The following RRP9 variants were observed in gnomAD, a reference collection of about 807,000 sequenced individuals.
The protein encoded by RRP9 is U3 small nucleolar RNA-interacting protein 2.
In RRP9, 35 loss-of-function variants were observed where a neutral mutation model predicts 65.5. The ratio of observed to expected loss-of-function variants is 0.53; its 90% CI spans 0.41 to 0.71. The LOEUF (loss-of-function observed/expected upper bound fraction) is 0.71. Among genes scored for constraint, RRP9 ranks in the 30% least tolerant of loss-of-function variants. The probability of loss-of-function intolerance (pLI) is 0.00; values close to 1 mark genes in which losing one functional copy is unlikely to be tolerated. For synonymous variants in RRP9, 254 were observed against 245.0 expected, an observed-to-expected ratio of 1.04 and a Z score of -0.34; for missense variants, 533 against 633.6, an observed-to-expected ratio of 0.84 and a Z score of 1.70.
rs1400346964 is a variant in RRP9 at position 51,937,664 on chromosome 3, C to T, written c.348+5G>A. Reference sequence around the variant, plus strand: ...GTCCTCCCCCAACTCTCCCTCCACACTTACCACATCCTCCTTCAGGCGCCC... The same window carrying T: ...GTCCTCCCCCAACTCTCCCTCCACATTTACCACATCCTCCTTCAGGCGCCC... On this transcript the variant is annotated splice_donor_5th_base_variant and intron_variant, in intron 4 of 14. Transcript: ENST00000232888. The surrounding 1 kb of genome is among the most constrained non-coding windows in gnomAD (Gnocchi z 5.0). 6 of 1,614,230 alleles carry T rather than the reference C, an allele frequency of 3.7e-6. No individual in the cohort carries two copies. Among genetic ancestry groups the T allele is most frequent in the Non-Finnish European group, 5.1e-6 (6 of 1,180,036 alleles).
chr3:51,936,605 G>T, intron 6 of RRP9, 50 bp from the exon 7 acceptor site: 1 of 1,583,076 alleles, frequency 6.3e-7, no homozygotes, highest in Non-Finnish European at 8.6e-7. Flanking sequence ...GATAGGGCTG[G>T]CTGGCAACCC....
In RRP9 at chr3:51,936,511, T is replaced by C; in HGVS notation, c.562A>G (p.Lys188Glu). 1 of 1,614,162 alleles carries C rather than the reference T, an allele frequency of 6.2e-7. No homozygotes were observed. The highest frequency in any genetic ancestry group is 8.5e-7 in the Non-Finnish European group (1 of 1,180,042). ...GRKLHVIPRA[K>E]KGAEGKPPGH... ...GGGGGCTTTCCCTCGGCACCCTTCT[T>C]GGCTCGAGGAATCACATGCAGCTTC... Residue 188 changes from lysine to glutamate, a missense_variant, in exon 7 of 15, where the codon AAG becomes GAG. Transcript: ENST00000232888.
Position 51,937,639 on chromosome 3 carries a change from G to A in RRP9, c.348+30C>T, listed in dbSNP as rs150261920. ...CTGGGAGCAGATCAGCTCCACCCCC[G>A]TCCTCCCCCAACTCTCCCTCCACAC... On this transcript the variant is annotated intron_variant, in intron 4 of 14. Coordinates refer to ENST00000232888, the MANE Select transcript of RRP9 (RefSeq NM_004704.5). The surrounding 1 kb of genome is among the most constrained non-coding windows in gnomAD (Gnocchi z 5.0). The A allele has an allele frequency of 3.5e-5, 57 of 1,613,998 alleles. No homozygotes were observed. The East Asian group carries it at 3.6e-4, about 10-fold the overall frequency.
chr3:51,935,881 C>T (rs78405934), intron 8 of RRP9, among the ~76,000 whole-genome samples, 189 bp from the exon 9 acceptor site: 1,692 of 152,196 alleles, frequency 0.011, 44 homozygotes, highest in African/African-American at 0.039. Context: ...TTTTTTTTAG[C>T]GACAGGGTCT....
In RRP9 at chr3:51,937,577, T is replaced by A; in HGVS notation, c.358A>T (p.Arg120Trp). The A allele has an allele frequency of 3.1e-6, 5 of 1,614,156 alleles. No homozygotes were observed. Among genetic ancestry groups the A allele is most frequent in the Non-Finnish European group, 4.2e-6 (5 of 1,180,022 alleles). The part of the protein sequence containing the change: ...GRLKEDVLEQ[R>W]GRLQKLVAKE... ...GCCACCAACTTCTGCAGCCTGCCCC[T>A]CTGCTCAAGCTGCATGGAGAAGAGA... Residue 120 changes from arginine (R) to tryptophan (W), a missense_variant, in exon 5 of 15, where the codon AGG becomes TGG. Coordinates refer to ENST00000232888, the MANE Select transcript of RRP9 (RefSeq NM_004704.5). The surrounding 1 kb of genome is among the most constrained non-coding windows in gnomAD (Gnocchi z 5.0).
intron 2 of RRP9, among the ~76,000 whole-genome samples, chr3:51,941,042 T>G (rs1699517281): frequency 1.3e-5 from 2 of 152,200 alleles, no homozygotes; most frequent in Admixed American, 6.5e-5. Context: ...GCAAAGGCAG[T>G]GCCTGGCATG....
In RRP9 at chr3:51,937,154, G is replaced by A. The variant is rs751997584; in HGVS notation, c.517+38C>T. On this transcript the variant is annotated intron_variant, in intron 6 of 14. Coordinates refer to ENST00000232888, the MANE Select transcript of RRP9 (RefSeq NM_004704.5). The surrounding 1 kb of genome is among the most constrained non-coding windows in gnomAD (Gnocchi z 5.0). ...TCCCCTGACCAGCCCTCCCGGATCCGCCATGGGGGCTCCAGCCCCACCCAG... is the reference window on the plus strand; with the variant it reads ...TCCCCTGACCAGCCCTCCCGGATCCACCATGGGGGCTCCAGCCCCACCCAG... 8.8e-5 allele frequency: 142 copies of A among 1,608,788 alleles called. No individual in the cohort carries two copies. The highest frequency in any genetic ancestry group is 2.0e-4 in the Middle Eastern group (1 of 4,992).
chr3:51,935,184 A>C lies in RRP9; in HGVS notation c.1034+13T>G. Reference sequence around the variant, plus strand: ...CAGAAGCCGTGGCCAGAGACATCCAAAGGACCTCTTACCCATCGTCCGCGC... The same window carrying C: ...CAGAAGCCGTGGCCAGAGACATCCACAGGACCTCTTACCCATCGTCCGCGC... On this transcript the variant is annotated intron_variant, in intron 11 of 14. Coordinates refer to ENST00000232888, the MANE Select transcript of RRP9 (RefSeq NM_004704.5). The C allele has an allele frequency of 6.2e-7, 1 of 1,614,006 alleles. No homozygotes were observed. Among genetic ancestry groups the C allele is most frequent in the Non-Finnish European group, 8.5e-7 (1 of 1,179,970 alleles).
At chr3:51,938,502 C>T (rs1577651838) in intron 2 of RRP9, among the ~76,000 whole-genome samples, 1 of 152,206 alleles carries the variant, frequency 6.6e-6, no homozygotes, top group Admixed American at 6.5e-5. Flanking sequence ...GAAATCAGGT[C>T]ACATACAAAG....
Position 51,937,785 on chromosome 3 carries a change from T to C in RRP9, c.281-49A>G, listed in dbSNP as rs367969040. The C allele has an allele frequency of 8.1e-6, 13 of 1,601,730 alleles. No individual in the cohort carries two copies. The highest frequency in any genetic ancestry group is 2.7e-5 in the African/African-American group (2 of 74,808). On this transcript the variant is annotated intron_variant, in intron 3 of 14. Transcript: ENST00000232888. The surrounding 1 kb of genome is among the most constrained non-coding windows in gnomAD (Gnocchi z 5.0). ...GTAAACTGAGGCTGAGACCCCTCTT[T>C]CCCTTCCATCCTGTCCCCATCCCAC...
At position 51,934,919 on chromosome 3, in the gene RRP9, C is replaced by T. The variant is rs893330697; in HGVS notation, c.1035-143G>A. The T allele has an allele frequency of 1.0e-6, 1 of 952,778 alleles. No individual in the cohort carries two copies. The highest frequency in any genetic ancestry group is 1.5e-6 in the Non-Finnish European group (1 of 651,356). The allele number at this position is 952,778 out of a possible 1,614,324, so 59.0% of individuals were successfully genotyped here. On this transcript the variant is annotated intron_variant, in intron 11 of 14. Coordinates refer to ENST00000232888, the MANE Select transcript of RRP9 (RefSeq NM_004704.5). The surrounding 1 kb of genome is among the most constrained non-coding windows in gnomAD (Gnocchi z 4.1). ...TACATATTGCATGCCTGTATCAAAACATCTCAAGTACCCCACAAATACGTA... is the reference window on the plus strand; with the variant it reads ...TACATATTGCATGCCTGTATCAAAATATCTCAAGTACCCCACAAATACGTA...
Position 51,937,747 on chromosome 3 carries a change from C to T in RRP9, c.281-11G>A, listed in dbSNP as rs1221030279. The T allele has an allele frequency of 2.5e-6, 4 of 1,613,708 alleles. No individual in the cohort carries two copies. The highest frequency in any genetic ancestry group is 3.4e-6 in the Non-Finnish European group (4 of 1,180,004). On this transcript the variant is annotated splice_polypyrimidine_tract_variant and intron_variant, in intron 3 of 14. Coordinates refer to ENST00000232888, the MANE Select transcript of RRP9 (RefSeq NM_004704.5). This position sits in a 1 kb window ranked among gnomAD's most constrained non-coding sequence, Gnocchi z 5.0. ...CAGCCTTCTCCTCCTCTGTGCAGGACAGACCAGACCAAGTAAACTGAGGCT... is the reference window on the plus strand; with the variant it reads ...CAGCCTTCTCCTCCTCTGTGCAGGATAGACCAGACCAAGTAAACTGAGGCT...
intron 1 of RRP9, 42 bp downstream of exon 1, chr3:51,941,739 A>T: frequency 6.7e-7 from 1 of 1,498,770 alleles, no homozygotes; most frequent in South Asian, 1.2e-5. Context: ...CGGTTGTCCC[A>T]GTAGCAGGGC....
In RRP9 at chr3:51,937,389, A is replaced by G; in HGVS notation, c.391-71T>C. ...ACTACCTTCACCAACCCCACTGCGT[A>G]GTGTTGGCCTTTCCCACCCAGGCCA... On this transcript the variant is annotated intron_variant, in intron 5 of 14. Coordinates refer to ENST00000232888, the MANE Select transcript of RRP9 (RefSeq NM_004704.5). This position sits in a 1 kb window ranked among gnomAD's most constrained non-coding sequence, Gnocchi z 5.0. The G allele has an allele frequency of 6.2e-7, 1 of 1,606,456 alleles. No homozygotes were observed. The highest frequency in any genetic ancestry group is 8.5e-7 in the Non-Finnish European group (1 of 1,174,284).
chr3:51,937,031 G>A lies in RRP9; in HGVS notation c.517+161C>T, dbSNP rs1356910153. 6.6e-6 allele frequency among the ~76,000 whole-genome samples: 1 copy of A among 152,210 alleles called. No homozygotes were observed. Among genetic ancestry groups the A allele is most frequent in the Non-Finnish European group, 1.5e-5 (1 of 68,036 alleles). ...AGCTCATAAGCCCCACTGCCGGGCA[G>A]CAGCTTTCACTGTCACCCAGAGAGC... On this transcript the variant is annotated intron_variant, in intron 6 of 14. Transcript: ENST00000232888. This position sits in a 1 kb window ranked among gnomAD's most constrained non-coding sequence, Gnocchi z 5.0.
chr3:51,938,383 T>A (rs1469494108), intron 2 of RRP9, among the ~76,000 whole-genome samples, 179 bp from the exon 3 acceptor site: 2 of 152,030 alleles, frequency 1.3e-5, no homozygotes, highest in Non-Finnish European at 2.9e-5. Context: ...AAGGCCCCAC[T>A]CAGTGCCCCA....
intron 2 of RRP9, among the ~76,000 whole-genome samples, chr3:51,939,040 G>A (rs1405542392): frequency 1.3e-5 from 2 of 152,190 alleles, no homozygotes; most frequent in East Asian, 3.8e-4. Context: ...GCTTTGACCT[G>A]CTCCTGGGAG....
In RRP9 at chr3:51,937,386, C is replaced by A; in HGVS notation, c.391-68G>T. The A allele has an allele frequency of 6.2e-7, 1 of 1,607,804 alleles. No individual in the cohort carries two copies. Among genetic ancestry groups the A allele is most frequent in the Non-Finnish European group, 8.5e-7 (1 of 1,175,562 alleles). On this transcript the variant is annotated intron_variant, in intron 5 of 14. Coordinates refer to ENST00000232888, the MANE Select transcript of RRP9 (RefSeq NM_004704.5). This position sits in a 1 kb window ranked among gnomAD's most constrained non-coding sequence, Gnocchi z 5.0. The stretch of plus-strand genomic sequence containing the variant: ...GGCACTACCTTCACCAACCCCACTG[C>A]GTAGTGTTGGCCTTTCCCACCCAGG...
Position 51,934,592 on chromosome 3 carries a change from A to C in RRP9, c.1180+39T>G, listed in dbSNP as rs751220731. On this transcript the variant is annotated intron_variant, in intron 12 of 14. Coordinates refer to ENST00000232888, the MANE Select transcript of RRP9 (RefSeq NM_004704.5). The surrounding 1 kb of genome is among the most constrained non-coding windows in gnomAD (Gnocchi z 4.1). ...CAGTGAGCAACCCCTGCACCGGCCCACCCGGCGACCCCTCCTCCCTGCCTC... is the reference window on the plus strand; with the variant it reads ...CAGTGAGCAACCCCTGCACCGGCCCCCCCGGCGACCCCTCCTCCCTGCCTC... 1 of 1,613,326 alleles carries C rather than the reference A, an allele frequency of 6.2e-7. No homozygotes were observed. The highest frequency in any genetic ancestry group is 1.3e-5 in the African/African-American group (1 of 74,876).
Sources: allele counts gnomAD v4.1 joint callset (sites outside exome capture counted in the v4.1 genomes callset), GRCh38; gene constraint gnomAD v4.1.1; non-coding constraint Gnocchi (gnomAD v3.1); transcripts MANE v1.5; gene names NCBI Gene and HGNC (gene_info 2026-07-23, HGNC 2026-07-21).